Variants in MYO6 observed in about 807,000 individuals in gnomAD.
The protein encoded by MYO6 is unconventional myosin-VI.
MYO6 carries 74 observed loss-of-function variants against 178.7 expected under a neutral mutation model. The ratio of observed to expected loss-of-function variants is 0.41; its 90% confidence interval spans 0.34 to 0.50. The LOEUF (loss-of-function observed/expected upper bound fraction) is 0.50. MYO6 is among the 20% of genes least tolerant of loss of function. The pLI is 0.09. For synonymous variants in MYO6, 477 were observed against 504.6 expected, an observed-to-expected ratio of 0.95 and a Z score of 0.73; for missense variants, 1,330 against 1,547.4, an observed-to-expected ratio of 0.86 and a Z score of 2.36.
chr6:75,840,723 G>A (rs1774139619), intron 8 of MYO6, 41 bp downstream of exon 8: 1 of 1,489,250 alleles, frequency 6.7e-7, no homozygotes. Flanking sequence ...TTTGGGGAGT[G>A]TTTGTGAAAA....
chr6:75,812,309 AT>A (rs552263473), intron 1 of MYO6, among the ~76,000 whole-genome samples: 189 of 151,960 alleles, frequency 1.2e-3, no homozygotes, highest in African/African-American at 4.2e-3. Flanking sequence ...TAAAAATTAA[AT>A]TTTTTTTGTG....
intron 33 of MYO6, 99 bp downstream of exon 33, chr6:75,911,797 C>T: frequency 1.7e-6 from 2 of 1,154,088 alleles, no homozygotes; most frequent in Non-Finnish European, 2.6e-6. Context: ...CTACAATTTT[C>T]AGTGGAATTG....
At chr6:75,777,412 C>CT (rs1261420172) in intron 1 of MYO6, among the ~76,000 whole-genome samples, 1 of 151,528 alleles carries the variant, frequency 6.6e-6, no homozygotes, top group Non-Finnish European at 1.5e-5. Flanking sequence ...ATTTCTTTCT[C>CT]TTTTTTTCTT....
chr6:75,764,153 C>T (rs1778191972), intron 1 of MYO6, among the ~76,000 whole-genome samples: 1 of 152,132 alleles, frequency 6.6e-6, no homozygotes, highest in Non-Finnish European at 1.5e-5. Flanking sequence ...TCAAGTGATC[C>T]TCCACCTCAG....
intron 9 of MYO6, among the ~76,000 whole-genome samples, chr6:75,842,699 G>T (rs1774352018): frequency 6.6e-6 from 1 of 151,918 alleles, no homozygotes; most frequent in African/African-American, 2.4e-5. Context: ...TTTTTACTAT[G>T]GTTTTTAAAA....
At position 75,751,908 on chromosome 6, in the gene MYO6, C is replaced by T. The variant is rs547790467; in HGVS notation, c.-48+2485C>T. ...CCAGTTTTAAGAAGAGTTTACTAAC[C>T]TCTGTGTAGTTTCATTTTTATATAT... On this transcript the variant is annotated intron_variant, in intron 1 of 34. Coordinates refer to ENST00000369977, the MANE Select transcript of MYO6 (RefSeq NM_004999.4). Among the ~76,000 whole-genome samples, 158 of 152,052 alleles carry T rather than the reference C, an allele frequency of 1.0e-3. 2 individuals carry two copies. Among genetic ancestry groups the T allele is most frequent in the Non-Finnish European group, 1.7e-3 (114 of 67,998 alleles).
At chr6:75,904,671 G>A (rs1181755571) in intron 30 of MYO6, among the ~76,000 whole-genome samples, 1 of 152,096 alleles carries the variant, frequency 6.6e-6, no homozygotes, top group Non-Finnish European at 1.5e-5. Flanking sequence ...CCTTTGGTTT[G>A]AATGTCCTCC....
intron 30 of MYO6, among the ~76,000 whole-genome samples, chr6:75,906,353 T>C (rs1416090271): frequency 6.6e-6 from 1 of 152,180 alleles, no homozygotes; most frequent in African/African-American, 2.4e-5. Context: ...TCCCATATTT[T>C]CTGATTAATG....
intron 7 of MYO6, among the ~76,000 whole-genome samples, chr6:75,838,420 C>A (rs1016972203): frequency 1.3e-5 from 2 of 152,032 alleles, no homozygotes; most frequent in African/African-American, 4.8e-5. Context: ...TTGATCCCAT[C>A]CTTAATAGAA....
rs1297217633 is a variant in MYO6, at chr6:75,915,432, C to T, written c.*420C>T. 2 of 188,942 alleles carry T rather than the reference C, an allele frequency of 1.1e-5. No homozygotes were observed. The highest frequency in any genetic ancestry group is 1.1e-4 in the Admixed American group (2 of 18,564). 11.7% of individuals were successfully genotyped at this position (188,942 alleles called of 1,614,324 possible). A position where few individuals can be genotyped will look rare whatever the true frequency, so the allele number is the denominator to read the frequency against. On this transcript the variant is annotated 3_prime_UTR_variant, in exon 35 of 35. Transcript: ENST00000369977. ...GCTTACATTCTTACAATAACTAAAC[C>T]ACTTAAAATGATCAAGGCACTAATG... is the stretch of plus-strand genomic sequence containing the variant.
intron 1 of MYO6, among the ~76,000 whole-genome samples, chr6:75,796,265 G>A (rs1373112212): frequency 6.6e-6 from 1 of 152,064 alleles, no homozygotes; most frequent in Non-Finnish European, 1.5e-5. Context: ...TAGAGTTAAG[G>A]CTGTTTACAC....
intron 34 of MYO6, 69 bp downstream of exon 34, chr6:75,914,350 T>G: frequency 1.4e-6 from 2 of 1,413,560 alleles, no homozygotes; most frequent in African/African-American, 1.4e-5. Flanking sequence ...AATGAAACAT[T>G]CTAATGTATA....
Position 75,915,312 on chromosome 6 carries a change from C to A in MYO6, c.*300C>A. 2.5e-6 allele frequency: 1 copy of A among 404,136 alleles called. No homozygotes were observed. The highest frequency in any genetic ancestry group is 4.6e-6 in the Non-Finnish European group (1 of 217,334). The allele number at this position is 404,136 out of a possible 1,614,324, so 25.0% of individuals were successfully genotyped here. A position where few individuals can be genotyped will look rare whatever the true frequency, so the allele number is the denominator to read the frequency against. On this transcript the variant is annotated 3_prime_UTR_variant, in exon 35 of 35. Coordinates refer to ENST00000369977, the MANE Select transcript of MYO6 (RefSeq NM_004999.4). The stretch of plus-strand genomic sequence containing the variant: ...TGCCAGAAGACTACCTTACATCCAT[C>A]GTAATTGTTCTCTAGGAAAAGAGAA...
intron 1 of MYO6, among the ~76,000 whole-genome samples, chr6:75,771,143 A>T (rs1383037989): frequency 6.6e-6 from 1 of 151,906 alleles, no homozygotes; most frequent in Non-Finnish European, 1.5e-5. Flanking sequence ...CTGGGACTAG[A>T]GGCTCATGCC....
intron 3 of MYO6, among the ~76,000 whole-genome samples, chr6:75,825,223 A>G (rs944462176): frequency 2.0e-5 from 3 of 152,240 alleles, no homozygotes; most frequent in Non-Finnish European, 2.9e-5. Context: ...TTGAGCTACC[A>G]TGACTTTCAT....
chr6:75,855,508 A>G (rs922027944), intron 12 of MYO6, among the ~76,000 whole-genome samples: 2 of 152,192 alleles, frequency 1.3e-5, no homozygotes, highest in Non-Finnish European at 2.9e-5. Context: ...CTTTTCTACA[A>G]CTATGAAAAT....
intron 1 of MYO6, among the ~76,000 whole-genome samples, chr6:75,768,461 A>G (rs537102782): frequency 6.0e-4 from 89 of 148,944 alleles, no homozygotes; most frequent in African/African-American, 2.0e-3. Flanking sequence ...GCTCACTGCA[A>G]CCTCCGCTTC....
At position 75,764,957 on chromosome 6, in the gene MYO6, C is replaced by G. The variant is rs182591726; in HGVS notation, c.-48+15534C>G. ...GAGCTTGCAGTGAGCCGAGATCATG[C>G]CACTGCGCTCCAGCCTGGGCGACAG... On this transcript the variant is annotated intron_variant, in intron 1 of 34. Coordinates refer to ENST00000369977, the MANE Select transcript of MYO6 (RefSeq NM_004999.4). Among the ~76,000 whole-genome samples, 11 of 151,258 alleles carry G rather than the reference C, an allele frequency of 7.3e-5. No homozygotes were observed. The East Asian group carries it at 2.2e-3, about 30-fold the overall frequency.
intron 1 of MYO6, among the ~76,000 whole-genome samples, chr6:75,805,681 CAATT>C (rs1393610611): frequency 6.6e-6 from 1 of 152,150 alleles, no homozygotes; most frequent in Admixed American, 6.5e-5. Flanking sequence ...TATCAATTGT[CAATT>C]AAGTACTAAA....
Sources: allele counts gnomAD v4.1 joint callset (sites outside exome capture counted in the v4.1 genomes callset), GRCh38; gene constraint gnomAD v4.1.1; transcripts MANE v1.5; gene names NCBI Gene and HGNC (gene_info 2026-07-23, HGNC 2026-07-21).